SLC6A15: variants seen among roughly 807,000 people sequenced by gnomAD.
SLC6A15 encodes the protein sodium-dependent neutral amino acid transporter B(0)AT2.
A neutral mutation model predicts 68.5 loss-of-function variants in SLC6A15; 33 were observed. The observed-to-expected ratio is 0.48, with a 90% CI of 0.37 to 0.64. SLC6A15 has a LOEUF of 0.64. SLC6A15 is among the 30% of genes least tolerant of loss of function. The probability of loss-of-function intolerance (pLI) is 0.00; values close to 1 mark genes in which losing one functional copy is unlikely to be tolerated. For synonymous variants in SLC6A15, 347 were observed against 301.0 expected, an observed-to-expected ratio of 1.15 and a Z score of -1.58; for missense variants, 747 against 874.3, an observed-to-expected ratio of 0.85 and a Z score of 1.84.
chr12:84,888,661 A>G (rs1276509644), intron 2 of SLC6A15, among the ~76,000 whole-genome samples: 1 of 152,156 alleles, frequency 6.6e-6, no homozygotes, highest in Non-Finnish European at 1.5e-5. Context: ...TATTATGTAC[A>G]ATGTATGCTA....
In SLC6A15 at chr12:84,859,963, T is replaced by G. The variant is rs1330032608; in HGVS notation, c.*1669A>C. ...GGAGAAATGTTGGATGAGAACTTAC[T>G]TCACACTGAATTGTCATAATTTTTT... is the stretch of plus-strand genomic sequence containing the variant. On this transcript the variant is annotated 3_prime_UTR_variant, in exon 12 of 12. Coordinates refer to ENST00000266682, the MANE Select transcript of SLC6A15 (RefSeq NM_182767.6). 6.6e-6 allele frequency: 1 copy of G among 152,090 alleles called. No individual in the cohort carries two copies. Among genetic ancestry groups the G allele is most frequent in the Non-Finnish European group, 1.5e-5 (1 of 67,934 alleles). 9.4% of individuals were successfully genotyped at this position (152,090 alleles called of 1,614,324 possible).
intron 1 of SLC6A15, among the ~76,000 whole-genome samples, chr12:84,902,895 A>G (rs1872952346): frequency 6.6e-6 from 1 of 152,142 alleles, no homozygotes; most frequent in Non-Finnish European, 1.5e-5. Flanking sequence ...AGAGAATCAT[A>G]TGGTAAGGCA....
chr12:84,868,033 G>A (rs1327100443), intron 9 of SLC6A15, among the ~76,000 whole-genome samples: 1 of 152,168 alleles, frequency 6.6e-6, no homozygotes, highest in African/African-American at 2.4e-5. Context: ...CATTTCGGCA[G>A]AGGTGAGTAA....
chr12:84,881,296 C>A, intron 5 of SLC6A15: 1 of 252,752 alleles, frequency 4.0e-6, no homozygotes, highest in Non-Finnish European at 6.2e-6. Flanking sequence ...AAGTTTGATT[C>A]TTGAAAGGCC....
rs534377256 is a variant in SLC6A15 at position 84,889,497 on chromosome 12, A to AAAAAATAAAAATAAAAAT, written c.289+2317_289+2334dup. Among the ~76,000 whole-genome samples the AAAAAATAAAAATAAAAAT allele has an allele frequency of 3.3e-4, 48 of 146,956 alleles. 1 individual carries two copies. Among genetic ancestry groups the AAAAAATAAAAATAAAAAT allele is most frequent in the South Asian group, 1.6e-3 (7 of 4,510 alleles). On this transcript the variant is annotated intron_variant, in intron 2 of 11. Coordinates refer to ENST00000266682, the MANE Select transcript of SLC6A15 (RefSeq NM_182767.6). Reference sequence around the variant, plus strand: ...CAAAAGAGCAAGACTCGGTCTCAGAAAAAAATAAAAATAAAAATAAAAATA... The same window carrying AAAAAATAAAAATAAAAAT: ...CAAAAGAGCAAGACTCGGTCTCAGAAAAAAATAAAAATAAAAATAAAAATAAAAATAAAAATAAAAATA...
chr12:84,900,020 C>A (rs1872788497), intron 1 of SLC6A15, among the ~76,000 whole-genome samples: 1 of 151,996 alleles, frequency 6.6e-6, no homozygotes, highest in African/African-American at 2.4e-5. Context: ...CCACAAAAAA[C>A]CCAGCCTACT....
At chr12:84,885,713 T>C in intron 3 of SLC6A15, 152 bp from the exon 4 acceptor site, 1 of 1,055,200 alleles carries the variant, frequency 9.5e-7, no homozygotes, top group Non-Finnish European at 1.3e-6. Context: ...AGTTAATGTC[T>C]TTCTCAGGAC....
intron 10 of SLC6A15, among the ~76,000 whole-genome samples, chr12:84,865,552 T>C (rs1453207822): frequency 3.9e-5 from 6 of 152,226 alleles, no homozygotes; most frequent in Non-Finnish European, 7.3e-5. Context: ...ATGACGTGTG[T>C]CCACCATTAC....
chr12:84,881,954 C>T, intron 5 of SLC6A15: 2 of 984,490 alleles, frequency 2.0e-6, no homozygotes, highest in Non-Finnish European at 2.4e-6. Context: ...TGCCCAAATA[C>T]TAGTCTTTTC....
intron 1 of SLC6A15, among the ~76,000 whole-genome samples, chr12:84,899,928 T>C (rs1872785231): frequency 6.6e-6 from 1 of 152,132 alleles, no homozygotes; most frequent in African/African-American, 2.4e-5. Flanking sequence ...TTTTACTTTT[T>C]GTGTTCTTTT....
rs1872655627 is a variant in SLC6A15, at chr12:84,896,911, C to T, written c.-188-4603G>A. Among the ~76,000 whole-genome samples, 5 of 152,140 alleles carry T rather than the reference C, an allele frequency of 3.3e-5. No individual in the cohort carries two copies. The South Asian group carries it at 1.0e-3, about 31-fold the overall frequency. Reference sequence around the variant, plus strand: ...AAGTCACATTAGAAGCAACTGAAGGCCAGGTGTGGTGGCTCACGCCTGTAA... The same window carrying T: ...AAGTCACATTAGAAGCAACTGAAGGTCAGGTGTGGTGGCTCACGCCTGTAA... On this transcript the variant is annotated intron_variant, in intron 1 of 11. Transcript: ENST00000266682.
chr12:84,900,988 GTGTATAGATATGTATATATATA>G (rs375492765), intron 1 of SLC6A15, among the ~76,000 whole-genome samples: 3,466 of 132,756 alleles, frequency 0.026, 437 homozygotes, highest in African/African-American at 0.047. Flanking sequence ...ATGTATATAT[GTGTATAGATATGTATATATATA>G]CATACATATA....
intron 11 of SLC6A15, among the ~76,000 whole-genome samples, chr12:84,862,239 G>A (rs916003536): frequency 1.3e-5 from 2 of 152,080 alleles, no homozygotes; most frequent in African/African-American, 4.8e-5. Context: ...GCTTGGAAAC[G>A]TTATAAGTGA....
chr12:84,905,719 G>C (rs541480196), intron 1 of SLC6A15, among the ~76,000 whole-genome samples: 1 of 152,196 alleles, frequency 6.6e-6, no homozygotes, highest in Non-Finnish European at 1.5e-5. Context: ...GGTTGAATCT[G>C]TGGATGCACA....
At position 84,870,502 on chromosome 12, in the gene SLC6A15, T is replaced by C. The variant is rs761149306; in HGVS notation, c.1471A>G (p.Lys491Glu). The C allele has an allele frequency of 1.3e-6, 2 of 1,545,296 alleles. No individual in the cohort carries two copies. Among genetic ancestry groups the C allele is most frequent in the Non-Finnish European group, 1.7e-6 (2 of 1,144,434 alleles). ...CCAGTAAGAATTTCTTTCCTCACTT[T>C]GAAAGTGTCCACAATAGGCGTGACA... ...GIVTPIVDTF[K>E]VRKEILTVIC... Residue 491 changes from lysine to glutamate, a missense_variant, in exon 9 of 12, where the codon AAA becomes GAA. Transcript: ENST00000266682.
In SLC6A15 at chr12:84,859,590, C is replaced by G. The variant is rs1207001468; in HGVS notation, c.*2042G>C. 1 of 151,376 alleles carries G rather than the reference C, an allele frequency of 6.6e-6. No homozygotes were observed. Among genetic ancestry groups the G allele is most frequent in the Non-Finnish European group, 1.5e-5 (1 of 67,796 alleles). The allele number at this position is 151,376 out of a possible 1,614,324, so 9.4% of individuals were successfully genotyped here. Reference sequence around the variant, plus strand: ...TGTATACTTTTTTTTTTAAGAGCCCCCATGGCAAGAGAGTGAGAGAAGAAG... The same window carrying G: ...TGTATACTTTTTTTTTTAAGAGCCCGCATGGCAAGAGAGTGAGAGAAGAAG... On this transcript the variant is annotated 3_prime_UTR_variant, in exon 12 of 12. Transcript: ENST00000266682.
chr12:84,888,389 A>T (rs920256076), intron 2 of SLC6A15, among the ~76,000 whole-genome samples: 13 of 152,204 alleles, frequency 8.5e-5, no homozygotes, highest in African/African-American at 3.1e-4. Flanking sequence ...ATGAGTGGAT[A>T]AAGAAAAGGT....
chr12:84,904,134 A>G (rs1873016267), intron 1 of SLC6A15, among the ~76,000 whole-genome samples: 1 of 150,784 alleles, frequency 6.6e-6, no homozygotes, highest in Non-Finnish European at 1.5e-5. Flanking sequence ...TTTGGAAGCT[A>G]GGCACCATGT....
At chr12:84,906,970 A>T (rs1269397075) in intron 1 of SLC6A15, among the ~76,000 whole-genome samples, 4 of 152,032 alleles carry the variant, frequency 2.6e-5, no homozygotes, top group African/African-American at 4.8e-5. Context: ...ATCTATTAAG[A>T]GGATGGAAAA....
Sources: allele counts gnomAD v4.1 joint callset (sites outside exome capture counted in the v4.1 genomes callset), GRCh38; gene constraint gnomAD v4.1.1; transcripts MANE v1.5; gene names NCBI Gene and HGNC (gene_info 2026-07-23, HGNC 2026-07-21).